Variants in SLC24A2 observed in about 807,000 individuals in gnomAD.
SLC24A2 encodes sodium/potassium/calcium exchanger 2.
SLC24A2 carries 36 observed loss-of-function variants against 62.0 expected under a neutral mutation model. The observed-to-expected ratio is 0.58, with a 90% CI of 0.44 to 0.77. The LOEUF is 0.77. Ranked by LOEUF, SLC24A2 falls within the 30% of genes least tolerant of loss-of-function variation. The probability of loss-of-function intolerance (pLI) is 0.00; values close to 1 mark genes in which losing one functional copy is unlikely to be tolerated. For synonymous variants in SLC24A2, 358 were observed against 294.0 expected (o/e 1.22, Z -2.23); for missense variants, 846 against 817.9 (o/e 1.03, Z -0.42).
At chr9:20,180,266 G>C in the SLC24A2 span, among the ~76,000 whole-genome samples, 3 of 152,030 alleles carry the variant, frequency 2.0e-5, no homozygotes, top group East Asian at 5.8e-4. Context: ...TTCAAGACTT[G>C]CTATTATGAT....
the SLC24A2 span, among the ~76,000 whole-genome samples, chr9:19,945,383 A>G: frequency 1.3e-5 from 2 of 152,226 alleles, 1 homozygote; most frequent in East Asian, 3.9e-4. Flanking sequence ...GCCTGTGGAA[A>G]TGGACTCCTT....
intron 2 of SLC24A2, among the ~76,000 whole-genome samples, chr9:19,719,732 A>G (rs747936188): frequency 2.6e-5 from 4 of 152,214 alleles, no homozygotes; most frequent in African/African-American, 4.8e-5. Flanking sequence ...TTCAAACTAG[A>G]CAAACTTCAT....
intron 8 of SLC24A2, among the ~76,000 whole-genome samples, chr9:19,533,179 T>G (rs187739655): frequency 1.3e-4 from 20 of 152,288 alleles, no homozygotes; most frequent in Non-Finnish European, 2.6e-4. Context: ...AAAAATCATG[T>G]TTTCCTTGTA....
At chr9:19,559,780 A>G (rs1381185171) in intron 7 of SLC24A2, among the ~76,000 whole-genome samples, 3 of 152,204 alleles carry the variant, frequency 2.0e-5, no homozygotes, top group African/African-American at 4.8e-5. Flanking sequence ...GCTCAGAAAT[A>G]GTAAGTTATT....
the SLC24A2 span, among the ~76,000 whole-genome samples, chr9:20,004,769 G>A: frequency 6.6e-6 from 1 of 151,930 alleles, no homozygotes; most frequent in Admixed American, 6.6e-5. Flanking sequence ...AGTAGGCACT[G>A]CTTTTATGAA....
At chr9:20,028,462 A>G in the SLC24A2 span, among the ~76,000 whole-genome samples, 1 of 152,132 alleles carries the variant, frequency 6.6e-6, no homozygotes, top group Non-Finnish European at 1.5e-5. Flanking sequence ...CTAAATTTCC[A>G]TCTGTCTAAA....
At chr9:19,673,892 T>C (rs55725619) in intron 2 of SLC24A2, among the ~76,000 whole-genome samples, 4,489 of 152,328 alleles carry the variant, frequency 0.029, 241 homozygotes, top group African/African-American at 0.1. Flanking sequence ...TGTGAGGTAC[T>C]ATTCTATTCA....
At chr9:19,524,720 A>G (rs1428733809) in intron 9 of SLC24A2, among the ~76,000 whole-genome samples, 2 of 152,242 alleles carry the variant, frequency 1.3e-5, no homozygotes, top group African/African-American at 4.8e-5. Context: ...TAAGGCTTCC[A>G]TTTATGGCTT....
chr9:19,865,922 T>A, the SLC24A2 span, among the ~76,000 whole-genome samples: 3 of 152,114 alleles, frequency 2.0e-5, no homozygotes, highest in African/African-American at 7.2e-5. Context: ...ACCCACAGAA[T>A]GGGAGACAAT....
At chr9:19,704,039 A>G (rs1329317027) in intron 2 of SLC24A2, among the ~76,000 whole-genome samples, 3 of 152,200 alleles carry the variant, frequency 2.0e-5, no homozygotes, top group African/African-American at 7.2e-5. Context: ...GTTATATAAA[A>G]TCAACTGCAT....
the SLC24A2 span, among the ~76,000 whole-genome samples, chr9:19,965,256 A>T: frequency 6.6e-6 from 1 of 152,116 alleles, no homozygotes; most frequent in Non-Finnish European, 1.5e-5. Flanking sequence ...AGACCGCAGC[A>T]CTGGCCAATC....
chr9:19,879,262 C>A, the SLC24A2 span, among the ~76,000 whole-genome samples: 1 of 152,166 alleles, frequency 6.6e-6, no homozygotes, highest in African/African-American at 2.4e-5. Context: ...GTCAAGGAAG[C>A]AATTTGCAGC....
At chr9:19,915,038 A>G in the SLC24A2 span, among the ~76,000 whole-genome samples, 1 of 152,160 alleles carries the variant, frequency 6.6e-6, no homozygotes, top group South Asian at 2.1e-4. Flanking sequence ...TACAACTGTT[A>G]CCATTAAGTA....
At chr9:20,149,146 G>C in the SLC24A2 span, among the ~76,000 whole-genome samples, 203 of 152,084 alleles carry the variant, frequency 1.3e-3, no homozygotes, top group African/African-American at 4.8e-3. Flanking sequence ...GAGGTGAAAA[G>C]TCCTGGTGAG....
chr9:20,120,595 G>A, the SLC24A2 span, among the ~76,000 whole-genome samples: 1 of 152,090 alleles, frequency 6.6e-6, no homozygotes, highest in Non-Finnish European at 1.5e-5. Context: ...ACTATCTATT[G>A]AGTACTATGT....
chr9:19,556,036 C>A (rs542975732), intron 7 of SLC24A2, among the ~76,000 whole-genome samples: 2 of 152,080 alleles, frequency 1.3e-5, no homozygotes, highest in African/African-American at 4.8e-5. Flanking sequence ...TTATCAATAC[C>A]GAACATTGAA....
the SLC24A2 span, among the ~76,000 whole-genome samples, chr9:19,910,116 A>T: frequency 6.6e-6 from 1 of 152,018 alleles, no homozygotes; most frequent in African/African-American, 2.4e-5. Context: ...CATACTCTCT[A>T]GCTACCATCC....
chr9:19,840,150 T>C, the SLC24A2 span, among the ~76,000 whole-genome samples: 121,928 of 152,060 alleles, frequency 0.8, 51,441 homozygotes, highest in Non-Finnish European at 0.94. Context: ...ACTCAAAGAC[T>C]CTGCATAGAT....
At chr9:20,242,127 A>G in the SLC24A2 span, among the ~76,000 whole-genome samples, 1 of 152,144 alleles carries the variant, frequency 6.6e-6, no homozygotes, top group South Asian at 2.1e-4. Flanking sequence ...AAGCCACAGG[A>G]GATTTGACAT....
Sources: gnomAD v4.1 joint callset for allele counts (sites outside exome capture counted in the v4.1 genomes callset) on GRCh38, gnomAD v4.1.1 for gene constraint, MANE v1.5 for transcripts, NCBI Gene and HGNC (gene_info 2026-07-23, HGNC 2026-07-21) for gene names.